The following DNAH6 variants were observed in gnomAD, a reference collection of about 807,000 sequenced individuals.
DNAH6 encodes the protein axonemal beta dynein heavy chain 6.
DNAH6 carries 340 observed loss-of-function variants against 491.4 expected under a neutral mutation model. That is an observed-to-expected ratio of 0.69 (90% CI 0.63 to 0.76). DNAH6 has a LOEUF of 0.76. Ranked by LOEUF, DNAH6 falls within the 30% of genes least tolerant of loss-of-function variation. The pLI, the probability that DNAH6 is intolerant of heterozygous loss-of-function variation, is 0.00. For synonymous variants in DNAH6, 1,603 were observed against 1,686.1 expected (o/e 0.95, Z 1.21); for missense variants, 4,443 against 4,972.2 (o/e 0.89, Z 3.20).
chr2:84,603,378 G>A (rs899063133), intron 18 of DNAH6, among the ~76,000 whole-genome samples: 18 of 151,912 alleles, frequency 1.2e-4, no homozygotes, highest in Admixed American at 4.6e-4. Context: ...CTCGAATTTC[G>A]GGTGGGGCTG....
At chr2:84,580,163 T>G (rs1390782856) in intron 14 of DNAH6, among the ~76,000 whole-genome samples, 1 of 152,128 alleles carries the variant, frequency 6.6e-6, no homozygotes, top group Non-Finnish European at 1.5e-5. Flanking sequence ...TGCATAATAG[T>G]CAGGAAACTT....
Position 84,552,947 on chromosome 2 carries a change from A to G in DNAH6, c.1515A>G (p.Glu505=). The G allele has an allele frequency of 3.1e-6, 5 of 1,611,818 alleles. No homozygotes were observed. The highest frequency in any genetic ancestry group is 3.4e-6 in the Non-Finnish European group (4 of 1,178,812). Residue 505 remains glutamate, a synonymous_variant, in exon 10 of 77, where the codon GAA becomes GAG. Coordinates refer to ENST00000389394, the MANE Select transcript of DNAH6 (RefSeq NM_001370.2). The part of the protein sequence containing the change: ...KGTLMVEKQE[E]DESLIPMFLT... The stretch of plus-strand genomic sequence containing the variant: ...CCCTTATGGTGGAAAAGCAAGAAGA[A>G]GATGAATCTCTCATCCCCATGTTTC...
chr2:84,819,258 A>C, intron 76 of DNAH6, 47 bp from the exon 77 acceptor site: 1 of 1,322,006 alleles, frequency 7.6e-7, no homozygotes. Flanking sequence ...TGTATGAGGA[A>C]GTTATTCTCT....
In DNAH6 at chr2:84,553,619, G is replaced by A. The variant is rs568327703; in HGVS notation, c.1602+585G>A. The stretch of plus-strand genomic sequence containing the variant: ...CTGGGACTACAGGTGTATGCCACCA[G>A]GACTGGCTATTTTTTTTTTTTTTTT... On this transcript the variant is annotated intron_variant, in intron 10 of 76. Coordinates refer to ENST00000389394, the MANE Select transcript of DNAH6 (RefSeq NM_001370.2). Among the ~76,000 whole-genome samples, 11 of 139,314 alleles carry A rather than the reference G, an allele frequency of 7.9e-5. No individual in the cohort carries two copies. The South Asian group carries it at 2.3e-3, about 29-fold the overall frequency. 91.4% of individuals were successfully genotyped at this position (139,314 alleles called of 152,430 possible). A position where few individuals can be genotyped will look rare whatever the true frequency, so the allele number is the denominator to read the frequency against.
At chr2:84,473,894 A>G in the DNAH6 span, among the ~76,000 whole-genome samples, 17 of 152,162 alleles carry the variant, frequency 1.1e-4, no homozygotes, top group Admixed American at 3.9e-4. Context: ...AATATCATCC[A>G]TGTAGTGGAT....
At chr2:84,496,516 G>A in the DNAH6 span, among the ~76,000 whole-genome samples, 1 of 152,110 alleles carries the variant, frequency 6.6e-6, no homozygotes, top group African/African-American at 2.4e-5. Flanking sequence ...ACCTGCAGAT[G>A]TGGTTCTAAA....
intron 2 of DNAH6, among the ~76,000 whole-genome samples, chr2:84,522,313 T>G (rs533722602): frequency 6.6e-6 from 1 of 152,176 alleles, no homozygotes; most frequent in East Asian, 1.9e-4. Context: ...GTAATTTTGG[T>G]ACATTAATTT....
rs552388637 is a variant in DNAH6 at position 84,704,985 on chromosome 2, C to G, written c.8466-501C>G. Among the ~76,000 whole-genome samples, 17 of 152,228 alleles carry G rather than the reference C, an allele frequency of 1.1e-4. No homozygotes were observed. The East Asian group carries it at 2.9e-3, about 26-fold the overall frequency. On this transcript the variant is annotated intron_variant, in intron 51 of 76. Coordinates refer to ENST00000389394, the MANE Select transcript of DNAH6 (RefSeq NM_001370.2). Reference sequence around the variant, plus strand: ...AGGACCCAGAGAGCTCTGCAGAGCACAGATAGAGAGCTGTGGGCAGAAGGG... The same window carrying G: ...AGGACCCAGAGAGCTCTGCAGAGCAGAGATAGAGAGCTGTGGGCAGAAGGG...
intron 11 of DNAH6, among the ~76,000 whole-genome samples, chr2:84,570,800 G>A (rs951226487): frequency 6.6e-6 from 1 of 152,288 alleles, no homozygotes. Context: ...GCTGTGGAAG[G>A]TTTGTTCTTT....
At chr2:84,769,306 G>A (rs535217439) in intron 64 of DNAH6, among the ~76,000 whole-genome samples, 1 of 152,202 alleles carries the variant, frequency 6.6e-6, no homozygotes, top group Non-Finnish European at 1.5e-5. Context: ...TCAGCTATCT[G>A]CCATCCGTCC....
At position 84,543,212 on chromosome 2, in the gene DNAH6, A is replaced by G. The variant is rs557056955; in HGVS notation, c.663-1021A>G. Among the ~76,000 whole-genome samples, 5 of 152,224 alleles carry G rather than the reference A, an allele frequency of 3.3e-5. No homozygotes were observed. The East Asian group carries it at 9.6e-4, about 29-fold the overall frequency. ...GTAATAATAAATAAAATAAAGGACC[A>G]TGGACTCCAGGTTCAGAATGTAGAG... On this transcript the variant is annotated intron_variant, in intron 4 of 76. Transcript: ENST00000389394.
chr2:84,652,474 A>G (rs1474872104), intron 33 of DNAH6, among the ~76,000 whole-genome samples: 1 of 152,068 alleles, frequency 6.6e-6, no homozygotes, highest in Non-Finnish European at 1.5e-5. Flanking sequence ...AACATTGGAA[A>G]TGTTTTTCTA....
chr2:84,476,557 A>T, the DNAH6 span, among the ~76,000 whole-genome samples: 1 of 152,192 alleles, frequency 6.6e-6, no homozygotes, highest in Non-Finnish European at 1.5e-5. Context: ...ATCTGAAGTT[A>T]GATTTTTACA....
the DNAH6 span, among the ~76,000 whole-genome samples, chr2:84,477,229 C>T: frequency 6.6e-6 from 1 of 152,134 alleles, no homozygotes; most frequent in East Asian, 1.9e-4. Flanking sequence ...AAAGGGCAGG[C>T]TCATGATCTA....
At chr2:84,507,630 T>A in the DNAH6 span, among the ~76,000 whole-genome samples, 1 of 152,176 alleles carries the variant, frequency 6.6e-6, no homozygotes, top group Non-Finnish European at 1.5e-5. Flanking sequence ...AGAGAGGGCA[T>A]CCCTGTCTTG....
At chr2:84,770,227 A>G (rs1675478436) in intron 64 of DNAH6, among the ~76,000 whole-genome samples, 1 of 152,158 alleles carries the variant, frequency 6.6e-6, no homozygotes, top group Non-Finnish European at 1.5e-5. Context: ...GCAACAAGAA[A>G]CCCTGGGAAG....
In DNAH6 at chr2:84,781,471, G is replaced by A. The variant is rs1298046189; in HGVS notation, c.10704-22G>A. On this transcript the variant is annotated intron_variant, in intron 64 of 76. Coordinates refer to ENST00000389394, the MANE Select transcript of DNAH6 (RefSeq NM_001370.2). ...CTTTAAAATAGCATAAGATGATATT[G>A]TGTTCTTGCTGTTCAATTCAGGGTG... 4.6e-6 allele frequency: 7 copies of A among 1,533,834 alleles called. No individual in the cohort carries two copies. The East Asian group carries it at 1.5e-4, about 32-fold the overall frequency.
At chr2:84,704,518 G>A (rs1051619642) in intron 51 of DNAH6, among the ~76,000 whole-genome samples, 5 of 152,226 alleles carry the variant, frequency 3.3e-5, no homozygotes. Context: ...ACACAGGCTA[G>A]TGGGAAGACA....
chr2:84,701,657 A>G (rs947769384), intron 49 of DNAH6, among the ~76,000 whole-genome samples: 3 of 152,112 alleles, frequency 2.0e-5, no homozygotes, highest in African/African-American at 2.4e-5. Context: ...CAAGAGAGAG[A>G]GGGGGGTGGT....
Sources: allele counts gnomAD v4.1 joint callset (sites outside exome capture counted in the v4.1 genomes callset), GRCh38; gene constraint gnomAD v4.1.1; transcripts MANE v1.5; gene names NCBI Gene and HGNC (gene_info 2026-07-23, HGNC 2026-07-21).